Variants in TRAPPC11 observed in about 807,000 individuals in gnomAD.
TRAPPC11 encodes the protein foie gras homolog.
In TRAPPC11, 104 loss-of-function variants were observed where a neutral mutation model predicts 151.2. The observed-to-expected ratio is 0.69, with a 90% CI of 0.59 to 0.81. The LOEUF is 0.81. Among genes scored for constraint, TRAPPC11 ranks in the 30% least tolerant of loss-of-function variants. The pLI is 0.00. For synonymous variants in TRAPPC11, 456 were observed against 472.3 expected (o/e 0.97, Z 0.45); for missense variants, 1,230 against 1,349.6 (o/e 0.91, Z 1.39).
rs180707257 is a variant in TRAPPC11 at position 183,710,696 on chromosome 4, C to T, written c.3358-1904C>T. Among the ~76,000 whole-genome samples the T allele has an allele frequency of 1.5e-3, 226 of 152,036 alleles. 2 individuals are homozygous for T. The highest frequency in any genetic ancestry group is 4.8e-3 in the African/African-American group (201 of 41,470). The stretch of plus-strand genomic sequence containing the variant: ...GCTGCCAAAAATGTTCACCGGACTC[C>T]GCAGAGCCAGCTCTTTAATCAGTAG... On this transcript the variant is annotated intron_variant, in intron 29 of 29. Transcript: ENST00000334690.
chr4:183,680,132 T>A lies in TRAPPC11; in HGVS notation c.978T>A (p.Phe326Leu), dbSNP rs760824234. The change falls in exon 10 of 30, where the codon TTT becomes TTA. Residue 326 changes from phenylalanine to leucine, a missense_variant. Physicochemically the swap from Phe to Leu is conservative, Grantham distance 22. Coordinates refer to ENST00000334690, the MANE Select transcript of TRAPPC11 (RefSeq NM_021942.6). ...TCTTTTCTTTAAGATTCCAGGCCTTTGGAGATTTATTTGATGAAGCTATTA... is the reference window on the plus strand; with the variant it reads ...TCTTTTCTTTAAGATTCCAGGCCTTAGGAGATTTATTTGATGAAGCTATTA... The part of the protein sequence containing the change: ...DAWMSKQFQA[F>L]GDLFDEAIKL... 2 of 1,612,570 alleles carry A rather than the reference T, an allele frequency of 1.2e-6. No individual in the cohort carries two copies. Among genetic ancestry groups the A allele is most frequent in the Non-Finnish European group, 1.7e-6 (2 of 1,179,440 alleles).
At chr4:183,671,832 T>C (rs1157966310) in intron 5 of TRAPPC11, among the ~76,000 whole-genome samples, 1 of 152,232 alleles carries the variant, frequency 6.6e-6, no homozygotes, top group Non-Finnish European at 1.5e-5. Context: ...AGGTGATCTT[T>C]ATATGAATAT....
intron 4 of TRAPPC11, among the ~76,000 whole-genome samples, chr4:183,667,756 T>G (rs1436064110): frequency 6.6e-6 from 1 of 152,228 alleles, no homozygotes; most frequent in South Asian, 2.1e-4. Flanking sequence ...GTATATCTGT[T>G]GGCATTACTT....
intron 18 of TRAPPC11, among the ~76,000 whole-genome samples, chr4:183,687,260 C>G (rs1736025807): frequency 1.3e-5 from 2 of 151,968 alleles, no homozygotes; most frequent in African/African-American, 4.8e-5. Flanking sequence ...TGTTTTCACT[C>G]CATGTTTATA....
At chr4:183,697,632 T>C (rs750837781) in intron 24 of TRAPPC11, 47 bp from the exon 25 acceptor site, 6 of 1,607,864 alleles carry the variant, frequency 3.7e-6, no homozygotes, top group Non-Finnish European at 5.1e-6. Flanking sequence ...AATGATAAAA[T>C]GGATTAAGGT....
chr4:183,703,477 C>T (rs1162031275), intron 26 of TRAPPC11, among the ~76,000 whole-genome samples: 2 of 151,996 alleles, frequency 1.3e-5, no homozygotes, highest in Non-Finnish European at 2.9e-5. Context: ...TGAATTATTC[C>T]ATCATACTAC....
intron 29 of TRAPPC11, among the ~76,000 whole-genome samples, chr4:183,710,972 A>C (rs1185370865): frequency 6.6e-6 from 1 of 152,024 alleles, no homozygotes; most frequent in Admixed American, 6.6e-5. Context: ...CAGAGGTTGC[A>C]GTGAGGTGAG....
At chr4:183,667,940 T>C (rs1734963652) in intron 4 of TRAPPC11, 63 bp from the exon 5 acceptor site, 2 of 1,104,026 alleles carry the variant, frequency 1.8e-6, no homozygotes, top group South Asian at 1.3e-5. Flanking sequence ...TGGGGAAATA[T>C]TTATTTGGGA....
At chr4:183,661,324 C>G (rs1734501020) in intron 1 of TRAPPC11, among the ~76,000 whole-genome samples, 1 of 146,674 alleles carries the variant, frequency 6.8e-6, no homozygotes, top group South Asian at 2.2e-4. Flanking sequence ...TTGTGTTAGA[C>G]TTCTCCATAA....
intron 2 of TRAPPC11, 41 bp downstream of exon 2, chr4:183,664,112 C>T (rs1024514002): frequency 4.6e-6 from 7 of 1,524,192 alleles, no homozygotes; most frequent in Non-Finnish European, 6.3e-6. Flanking sequence ...CCTTCTCTCT[C>T]TCTATGTGTG....
At chr4:183,693,865 T>C in intron 21 of TRAPPC11, 52 bp from the exon 22 acceptor site, 1 of 1,603,132 alleles carries the variant, frequency 6.2e-7, no homozygotes, top group Non-Finnish European at 8.5e-7. Context: ...TATTGATTAT[T>C]GGGATAATGT....
intron 29 of TRAPPC11, 56 bp from the exon 30 acceptor site, chr4:183,712,544 G>A (rs2111113901): frequency 1.3e-6 from 2 of 1,511,356 alleles, no homozygotes; most frequent in Non-Finnish European, 1.8e-6. Flanking sequence ...AGTTAATAGA[G>A]CTTTTGTTAT....
Position 183,684,326 on chromosome 4 carries a change from A to G in TRAPPC11, c.1388A>G (p.Tyr463Cys). Reference protein sequence around the residue: ...SHLMVQMGEEYYYAKDYTKAL... With the variant: ...SHLMVQMGEECYYAKDYTKAL... ...ATAGTGGTTCAGATGGGAGAGGAATATTATTACGCAAAGGATTATACCAAA... is the reference window on the plus strand; with the variant it reads ...ATAGTGGTTCAGATGGGAGAGGAATGTTATTACGCAAAGGATTATACCAAA... Residue 463 changes from tyrosine (Y) to cysteine (C), a missense_variant, in exon 14 of 30, where the codon TAT becomes TGT. Physicochemically the swap from Tyr to Cys is radical, Grantham distance 194. Transcript: ENST00000334690. 1 of 1,613,818 alleles carries G rather than the reference A, an allele frequency of 6.2e-7. No individual in the cohort carries two copies. Among genetic ancestry groups the G allele is most frequent in the Non-Finnish European group, 8.5e-7 (1 of 1,179,748 alleles).
intron 23 of TRAPPC11, among the ~76,000 whole-genome samples, chr4:183,696,841 C>T (rs890837833): frequency 1.3e-5 from 2 of 152,072 alleles, no homozygotes; most frequent in Non-Finnish European, 1.5e-5. Flanking sequence ...TACATGTATA[C>T]GGATGATAGC....
chr4:183,705,161 T>A, intron 27 of TRAPPC11, 91 bp downstream of exon 27: 1 of 956,638 alleles, frequency 1.0e-6, no homozygotes, highest in South Asian at 1.9e-5. Context: ...ACATTCTATT[T>A]AGAAAGTTTT....
chr4:183,687,422 C>T (rs987246018), intron 18 of TRAPPC11, among the ~76,000 whole-genome samples: 1 of 151,882 alleles, frequency 6.6e-6, no homozygotes, highest in African/African-American at 2.4e-5. Flanking sequence ...TCACTGTAGC[C>T]TCAACCTTTT....
chr4:183,706,782 A>G (rs1322570867), intron 27 of TRAPPC11, 25 bp from the exon 28 acceptor site: 1 of 1,599,014 alleles, frequency 6.3e-7, no homozygotes. Flanking sequence ...TTAAACCAAG[A>G]GAAGTGTGTC....
intron 25 of TRAPPC11, chr4:183,700,804 C>G (rs2111085820): frequency 6.6e-6 from 1 of 152,172 alleles, no homozygotes; most frequent in East Asian, 1.9e-4. Flanking sequence ...ATCTAAAAAT[C>G]TGAAATCTGA....
chr4:183,673,395 C>T (rs775576537), intron 5 of TRAPPC11, among the ~76,000 whole-genome samples: 13 of 152,074 alleles, frequency 8.5e-5, no homozygotes, highest in African/African-American at 1.2e-4. Context: ...CTTAAAAGGC[C>T]GGACATGAGG....
Sources: allele counts gnomAD v4.1 joint callset (sites outside exome capture counted in the v4.1 genomes callset), GRCh38; gene constraint gnomAD v4.1.1; transcripts MANE v1.5; gene names NCBI Gene and HGNC (gene_info 2026-07-23, HGNC 2026-07-21).